Variants in LPIN1 observed in about 807,000 individuals in gnomAD.
LPIN1 encodes phosphatidate phosphatase LPIN1.
In LPIN1, 71 loss-of-function variants were observed where a neutral mutation model predicts 107.5. The ratio of observed to expected loss-of-function variants is 0.66; its 90% CI spans 0.55 to 0.80. LPIN1 has a LOEUF of 0.80. LPIN1 is among the 30% of genes least tolerant of loss of function. The pLI is 0.00. For missense variants in LPIN1, 1,043 were observed against 1,160.6 expected, an observed-to-expected ratio of 0.90 and a Z score of 1.47; for synonymous variants, 445 against 452.6, an observed-to-expected ratio of 0.98 and a Z score of 0.21.
upstream of LPIN1, chr2:11,746,584 TG>T: frequency 1.1e-6 from 1 of 897,424 alleles, no homozygotes; most frequent in Non-Finnish European, 1.3e-6. Flanking sequence ...CCCCCGCCCC[TG>T]CCCCGCCCCC....
intron 6 of LPIN1, chr2:11,777,125 AAAT>A (rs1672791587): frequency 6.6e-6 from 1 of 152,158 alleles, no homozygotes; most frequent in Non-Finnish European, 1.5e-5. Context: ...CTTGATCTTA[AAAT>A]AATAATATTT....
intron 1 of LPIN1, among the ~76,000 whole-genome samples, chr2:11,686,234 A>G (rs1028741035): frequency 5.9e-5 from 9 of 152,112 alleles, no homozygotes; most frequent in African/African-American, 1.9e-4. Context: ...GGGCTTCATC[A>G]ATGTGCTGAG....
chr2:11,797,776 T>A (rs1676988316), intron 14 of LPIN1, among the ~76,000 whole-genome samples: 1 of 152,182 alleles, frequency 6.6e-6, no homozygotes, highest in South Asian at 2.1e-4. Context: ...GGACTGTGGA[T>A]TTTGAGTTAA....
chr2:11,815,289 G>A lies in LPIN1; in HGVS notation c.2402+49G>A, dbSNP rs7590711. On this transcript the variant is annotated intron_variant, in intron 18 of 20. Transcript: ENST00000674199. Reference sequence around the variant, plus strand: ...TCCATCTGTGAGCCTGTTCAGACCCGCTCTCTTCCTAACTGCAAGTTTTGT... The same window carrying A: ...TCCATCTGTGAGCCTGTTCAGACCCACTCTCTTCCTAACTGCAAGTTTTGT... 3.0e-5 allele frequency: 48 copies of A among 1,607,250 alleles called. 1 individual carries two copies. The African/African-American group carries it at 5.2e-4, about 17-fold the overall frequency.
At chr2:11,678,471 G>A (rs116427912) in intron 1 of LPIN1, among the ~76,000 whole-genome samples, 99 of 152,262 alleles carry the variant, frequency 6.5e-4, no homozygotes, top group African/African-American at 2.3e-3. Flanking sequence ...ATGGTGCGTC[G>A]GGGACACCTG....
At chr2:11,769,330 C>T (rs537292382) in intron 3 of LPIN1, among the ~76,000 whole-genome samples, 49 of 152,240 alleles carry the variant, frequency 3.2e-4, no homozygotes, top group Non-Finnish European at 4.6e-4. Flanking sequence ...TATCTGACAT[C>T]TTTTTATGTG....
chr2:11,819,904 C>G (rs962039630), intron 19 of LPIN1, among the ~76,000 whole-genome samples: 1 of 152,174 alleles, frequency 6.6e-6, no homozygotes, highest in African/African-American at 2.4e-5. Context: ...TTTCTTTCTA[C>G]CAGAAGGGAA....
chr2:11,679,584 C>T (rs575713821), intron 1 of LPIN1, among the ~76,000 whole-genome samples: 1 of 152,192 alleles, frequency 6.6e-6, no homozygotes, highest in Non-Finnish European at 1.5e-5. Context: ...CCTTGTATTC[C>T]ATCGCTCTTC....
chr2:11,772,868 A>G (rs1272428180), intron 4 of LPIN1, among the ~76,000 whole-genome samples: 1 of 152,260 alleles, frequency 6.6e-6, no homozygotes, highest in African/African-American at 2.4e-5. Context: ...AATAAAATAT[A>G]TCTTTTTTCG....
exon 2 of LPIN1, chr2:11,741,383 C>A (rs1166091240): frequency 6.5e-7 from 1 of 1,550,112 alleles, no homozygotes; most frequent in Non-Finnish European, 8.7e-7. Context: ...GAATTCAAGG[C>A]CACCTGCTTA....
intron 1 of LPIN1, among the ~76,000 whole-genome samples, chr2:11,677,996 G>A (rs1169191582): frequency 2.0e-5 from 3 of 152,248 alleles, no homozygotes; most frequent in Non-Finnish European, 4.4e-5. Context: ...GATGGAAAAT[G>A]CATAGTGATT....
chr2:11,725,690 G>A (rs949706805), intron 1 of LPIN1, among the ~76,000 whole-genome samples: 1 of 152,098 alleles, frequency 6.6e-6, no homozygotes, highest in Non-Finnish European at 1.5e-5. Flanking sequence ...TTTTTTGTTT[G>A]TTCTGTTTTG....
In LPIN1 at chr2:11,707,542, C is replaced by T. The variant is rs111882452; in HGVS notation, c.82-6214C>T. Reference sequence around the variant, plus strand: ...ACATTCCAGAAGGTTCCTGTGGCTGCTGTGAGGAGCAGAGCTGATGAGGAG... The same window carrying T: ...ACATTCCAGAAGGTTCCTGTGGCTGTTGTGAGGAGCAGAGCTGATGAGGAG... On this transcript the variant is annotated intron_variant, in intron 1 of 21. Transcript: ENST00000449576. The surrounding 1 kb of genome is among the most constrained non-coding windows in gnomAD (Gnocchi z 4.2). Among the ~76,000 whole-genome samples the T allele has an allele frequency of 4.6e-5, 7 of 152,288 alleles. No individual in the cohort carries two copies. The highest frequency in any genetic ancestry group is 1.7e-4 in the African/African-American group (7 of 41,554).
At chr2:11,720,123 C>T (rs538278274), upstream of LPIN1, among the ~76,000 whole-genome samples, 1 of 152,144 alleles carries the variant, frequency 6.6e-6, no homozygotes, top group South Asian at 2.1e-4. Context: ...TTGTTTACCC[C>T]TACTGTGCCT....
intron 1 of LPIN1, among the ~76,000 whole-genome samples, chr2:11,760,013 G>T (rs1176137359): frequency 1.3e-5 from 2 of 149,238 alleles, no homozygotes; most frequent in Non-Finnish European, 3.0e-5. Context: ...CGGGGCGGCC[G>T]GGCAGAGACG....
At position 11,819,596 on chromosome 2, in the gene LPIN1, G is replaced by T. The variant is rs1681181461; in HGVS notation, c.2515G>T (p.Ala839Ser). Residue 839 changes from alanine (A) to serine (S), a missense_variant and splice_region_variant, in exon 19 of 21, where the codon GCT becomes TCT. By Grantham distance (99) the Ala-to-Ser change is moderately conservative (BLOSUM62 1). Transcript: ENST00000674199. ...TTATGCTGCTTTTGGAAACCGACCA[G>T]CTGTAAGTAGTAGATTGGGTATAGA... ...PFYAAFGNRP[A>S]DVYSYKQVGV... 1 of 1,610,272 alleles carries T rather than the reference G, an allele frequency of 6.2e-7. No individual in the cohort carries two copies. The highest frequency in any genetic ancestry group is 1.3e-5 in the African/African-American group (1 of 74,838).
intron 1 of LPIN1, among the ~76,000 whole-genome samples, chr2:11,698,197 CTGT>C (rs1352843367): frequency 6.6e-6 from 1 of 152,218 alleles, no homozygotes; most frequent in Non-Finnish European, 1.5e-5. Flanking sequence ...CTGACTCAGG[CTGT>C]CTGTTCTCCC....
chr2:11,782,837 C>T (rs192547321), intron 8 of LPIN1, among the ~76,000 whole-genome samples: 35 of 152,294 alleles, frequency 2.3e-4, no homozygotes, highest in African/African-American at 7.9e-4. Flanking sequence ...TAGGTTAATC[C>T]TGGCCACCTC....
At chr2:11,805,298 G>A (rs1305746739) in intron 17 of LPIN1, 142 bp downstream of exon 17, 3 of 727,338 alleles carry the variant, frequency 4.1e-6, no homozygotes, top group Non-Finnish European at 2.5e-6. Context: ...GTGGGGGTCA[G>A]GGGTAGCAGT....
Sources: allele counts gnomAD v4.1 joint callset (sites outside exome capture counted in the v4.1 genomes callset), GRCh38; gene constraint gnomAD v4.1.1; non-coding constraint Gnocchi (gnomAD v3.1); transcripts MANE v1.5; gene names NCBI Gene and HGNC (gene_info 2026-07-23, HGNC 2026-07-21).